RAP1GAP2: variants seen among roughly 807,000 people sequenced by gnomAD.
RAP1GAP2 encodes RAP1 GTPase activating protein 2, also known as rap1 GTPase-activating protein 2.
RAP1GAP2 carries 27 observed loss-of-function variants against 95.0 expected under a neutral mutation model. That is an observed-to-expected ratio of 0.28 (90% confidence interval 0.21 to 0.39). The LOEUF (loss-of-function observed/expected upper bound fraction) is 0.39. RAP1GAP2 is among the 10% of genes least tolerant of loss of function. The pLI is 1.00. For missense variants in RAP1GAP2, 771 were observed against 970.0 expected, an observed-to-expected ratio of 0.79 and a Z score of 2.72; for synonymous variants, 373 against 380.9, an observed-to-expected ratio of 0.98 and a Z score of 0.24.
chr17:2,882,398 T>TCTC (rs2073338941), intron 2 of RAP1GAP2, among the ~76,000 whole-genome samples: 1 of 151,802 alleles, frequency 6.6e-6, no homozygotes. Flanking sequence ...TTCAAGTGAT[T>TCTC]CTCCTGCCTT....
intron 13 of RAP1GAP2, 58 bp from the exon 14 acceptor site, chr17:2,998,163 A>G: frequency 5.8e-6 from 9 of 1,563,766 alleles, no homozygotes; most frequent in Non-Finnish European, 7.9e-6. Context: ...CTCTTTCCCC[A>G]AAACATCTTT....
intron 3 of RAP1GAP2, among the ~76,000 whole-genome samples, chr17:2,922,906 T>TTGGCTTGTGGCACG (rs1567782312): frequency 1.3e-4 from 20 of 148,614 alleles, no homozygotes; most frequent in African/African-American, 5.0e-4. Flanking sequence ...GACCTTGCAC[T>TTGGCTTGTGGCACG]ACCTTGGCTT....
At chr17:2,792,526 A>G (rs1419046535), upstream of RAP1GAP2, among the ~76,000 whole-genome samples, 1 of 152,186 alleles carries the variant, frequency 6.6e-6, no homozygotes, top group Non-Finnish European at 1.5e-5. Context: ...TGCAGGGCTC[A>G]TGATGGGCCA....
At chr17:3,013,632 CT>C (rs998163717) in intron 17 of RAP1GAP2, among the ~76,000 whole-genome samples, 14,147 of 78,972 alleles carry the variant, frequency 0.18, 748 homozygotes, top group Middle Eastern at 0.24. Flanking sequence ...CTTTTCTTTT[CT>C]TTTTTTTTTT....
intron 12 of RAP1GAP2, among the ~76,000 whole-genome samples, chr17:2,992,726 C>G (rs533644694): frequency 8.5e-5 from 13 of 152,190 alleles, no homozygotes; most frequent in Admixed American, 6.5e-4. Flanking sequence ...TGCTTTCTTC[C>G]TCTGCTTCCT....
chr17:2,930,122 C>T (rs961245523), intron 3 of RAP1GAP2, among the ~76,000 whole-genome samples: 6 of 152,268 alleles, frequency 3.9e-5, no homozygotes, highest in African/African-American at 2.4e-5. Context: ...GGGCTCTCTT[C>T]GAGATGGATC....
chr17:3,001,968 CTTTTT>C (rs71377566), intron 14 of RAP1GAP2, among the ~76,000 whole-genome samples: 1 of 138,660 alleles, frequency 7.2e-6, no homozygotes. Flanking sequence ...TCTTCTTCTC[CTTTTT>C]TTTTTTTTTT....
Position 3,020,468 on chromosome 17 carries a change from C to A in RAP1GAP2, c.1633-9C>A, listed in dbSNP as rs761179882. 4 of 1,611,600 alleles carry A rather than the reference C, an allele frequency of 2.5e-6. No homozygotes were observed. The highest frequency in any genetic ancestry group is 2.2e-5 in the South Asian group (2 of 90,794). On this transcript the variant is annotated splice_polypyrimidine_tract_variant and intron_variant, in intron 18 of 24. Transcript: ENST00000254695. ...CCGGGAGCACTCATTTTGGCAATTT[C>A]ATCGACAGCCTCCAGTGGTGGCGGC...
At chr17:2,919,847 CACCGCCCCAT>C (rs1251968513) in intron 3 of RAP1GAP2, among the ~76,000 whole-genome samples, 1 of 151,900 alleles carries the variant, frequency 6.6e-6, no homozygotes, top group Non-Finnish European at 1.5e-5. Flanking sequence ...GGATTACAGG[CACCGCCCCAT>C]ACCTGGTTAA....
At chr17:2,856,486 T>G (rs2072142513) in intron 2 of RAP1GAP2, among the ~76,000 whole-genome samples, 1 of 152,102 alleles carries the variant, frequency 6.6e-6, no homozygotes, top group African/African-American at 2.4e-5. Context: ...TCGGAACTGT[T>G]CCCCCTCTTC....
chr17:2,969,163 T>TTATCTATCTATCTATCTATCTATCTATC (rs756995427), intron 8 of RAP1GAP2, among the ~76,000 whole-genome samples: 130 of 146,666 alleles, frequency 8.9e-4, no homozygotes, highest in Middle Eastern at 3.5e-3. Flanking sequence ...ATATTTTTCT[T>TTATCTATCTATCTATCTATCTATCTATC]TATCTATCTA....
intron 2 of RAP1GAP2, among the ~76,000 whole-genome samples, chr17:2,898,916 G>T (rs1044495934): frequency 7.1e-6 from 1 of 140,510 alleles, no homozygotes. Context: ...AGTGAATCAG[G>T]AGTGGTGCTG....
chr17:2,812,616 T>A (rs1376203890), intron 2 of RAP1GAP2, among the ~76,000 whole-genome samples: 1 of 151,962 alleles, frequency 6.6e-6, no homozygotes, highest in Non-Finnish European at 1.5e-5. Flanking sequence ...AAATAGTTTG[T>A]TTGTTCCTTC....
At chr17:2,863,077 G>A (rs998633573) in intron 2 of RAP1GAP2, among the ~76,000 whole-genome samples, 8 of 151,516 alleles carry the variant, frequency 5.3e-5, no homozygotes, top group African/African-American at 1.7e-4. Context: ...GGTGGTGCCC[G>A]GGGTACCCTT....
In RAP1GAP2 at chr17:2,797,329, G is replaced by A. The variant is rs377479275; in HGVS notation, c.44+758G>A. Among the ~76,000 whole-genome samples the A allele has an allele frequency of 1.7e-4, 26 of 152,288 alleles. No homozygotes were observed. Among genetic ancestry groups the A allele is most frequent in the East Asian group, 7.7e-4 (4 of 5,178 alleles). ...GAGGGATGTGCTTTTTCTTCCCGGC[G>A]GGGGGCAGAAGGTAGGCACACGAAG... On this transcript the variant is annotated intron_variant, in intron 1 of 24. Coordinates refer to ENST00000254695, the MANE Select transcript of RAP1GAP2 (RefSeq NM_015085.5). The surrounding 1 kb of genome is among the most constrained non-coding windows in gnomAD (Gnocchi z 5.6).
chr17:3,017,995 C>T lies in RAP1GAP2; in HGVS notation c.1495-66C>T, dbSNP rs1241112821. The T allele has an allele frequency of 2.0e-5, 30 of 1,503,956 alleles. No homozygotes were observed. The Middle Eastern group carries it at 7.0e-4, about 35-fold the overall frequency. The allele number at this position is 1,503,956 out of a possible 1,614,324, so 93.2% of individuals were successfully genotyped here. A position where few individuals can be genotyped will look rare whatever the true frequency, so the allele number is the denominator to read the frequency against. ...CTGAGGGCTGTGTCTACAGACCCCA[C>T]GAGGAGGGCAGAGTCATCCGGAGAG... is the stretch of plus-strand genomic sequence containing the variant. On this transcript the variant is annotated intron_variant, in intron 17 of 24. Coordinates refer to ENST00000254695, the MANE Select transcript of RAP1GAP2 (RefSeq NM_015085.5).
At chr17:2,921,872 G>A (rs116803419) in intron 3 of RAP1GAP2, among the ~76,000 whole-genome samples, 105 of 152,272 alleles carry the variant, frequency 6.9e-4, no homozygotes, top group African/African-American at 2.4e-3. Flanking sequence ...CTCTTCCTCC[G>A]TCTTCTTCAC....
chr17:2,819,795 CTTTT>C (rs539808008), intron 2 of RAP1GAP2, among the ~76,000 whole-genome samples: 3 of 138,184 alleles, frequency 2.2e-5, no homozygotes, highest in Non-Finnish European at 3.1e-5. Flanking sequence ...TCTCTTTCTC[CTTTT>C]TTTTTTTTTT....
At chr17:2,838,016 C>T (rs1358970526) in intron 2 of RAP1GAP2, among the ~76,000 whole-genome samples, 4 of 94,448 alleles carry the variant, frequency 4.2e-5, no homozygotes, top group South Asian at 7.5e-4. Context: ...TTCTTTTTTC[C>T]TTTTTTTTTT....
Sources: gnomAD v4.1 joint callset for allele counts (sites outside exome capture counted in the v4.1 genomes callset) on GRCh38, gnomAD v4.1.1 for gene constraint, Gnocchi (gnomAD v3.1) non-coding constraint, MANE v1.5 for transcripts, NCBI Gene and HGNC (gene_info 2026-07-23, HGNC 2026-07-21) for gene names.